USP4: variants seen among roughly 807,000 people sequenced by gnomAD.
USP4 encodes the protein ubiquitin carboxyl-terminal hydrolase 4.
A neutral mutation model predicts 118.2 loss-of-function variants in USP4; 72 were observed. The observed-to-expected ratio is 0.61, with a 90% CI of 0.50 to 0.74. The LOEUF is 0.74. Among genes scored for constraint, USP4 ranks in the 30% least tolerant of loss-of-function variants. The probability of loss-of-function intolerance (pLI) is 0.00; values close to 1 mark genes in which losing one functional copy is unlikely to be tolerated. For synonymous variants in USP4, 415 were observed against 440.4 expected, an observed-to-expected ratio of 0.94 and a Z score of 0.72; for missense variants, 1,037 against 1,185.7, an observed-to-expected ratio of 0.87 and a Z score of 1.84.
rs2047383875 is a variant in USP4, at chr3:49,311,641, G to A, written c.709C>T (p.Pro237Ser). 1 of 1,613,828 alleles carries A rather than the reference G, an allele frequency of 6.2e-7. No individual in the cohort carries two copies. Among genetic ancestry groups the A allele is most frequent in the Non-Finnish European group, 8.5e-7 (1 of 1,179,826 alleles). Residue 237 changes from proline (P) to serine (S), a missense_variant, in exon 7 of 22, where the codon CCT (proline) becomes TCT (serine). Around this residue, in one of 3 missense-constraint regions of USP4, gnomAD observed 487 missense variants for 534.1 expected, o/e 0.91. Coordinates refer to ENST00000265560, the MANE Select transcript of USP4 (RefSeq NM_003363.4). ...QTLQSKSSTA[P>S]SRNFTTSPKS... ...GGAGAGGTAGTAAAATTTCTGCTAG[G>A]CGCAGTGCTTGATCTGGGAGAGAGA...
intron 1 of USP4, among the ~76,000 whole-genome samples, chr3:49,336,193 G>A (rs1292819670): frequency 4.3e-5 from 4 of 93,878 alleles, no homozygotes; most frequent in Non-Finnish European, 5.9e-5. Context: ...TTTTTGAGAC[G>A]GAGTTTTCGC....
intron 9 of USP4, 37 bp from the exon 10 acceptor site, chr3:49,302,579 G>A (rs746658016): frequency 6.3e-6 from 10 of 1,591,548 alleles, no homozygotes; most frequent in East Asian, 2.2e-5. Context: ...GGCATAATAC[G>A]TAAAGAACTA....
chr3:49,286,808 T>C (rs1047529618), intron 15 of USP4, among the ~76,000 whole-genome samples: 1 of 134,870 alleles, frequency 7.4e-6, no homozygotes, highest in African/African-American at 2.8e-5. Flanking sequence ...ACAGTCTCAC[T>C]CTAGCCACTC....
At chr3:49,328,991 AGGGT>A (rs2047586145) in intron 2 of USP4, among the ~76,000 whole-genome samples, 1 of 152,088 alleles carries the variant, frequency 6.6e-6, no homozygotes, top group South Asian at 2.1e-4. Context: ...CAGCCTGGCC[AGGGT>A]AGTGAAACCC....
At chr3:49,318,990 A>C (rs548181851) in intron 6 of USP4, among the ~76,000 whole-genome samples, 222 of 151,400 alleles carry the variant, frequency 1.5e-3, no homozygotes, top group Non-Finnish European at 2.7e-3. Flanking sequence ...CTGCCAAGAA[A>C]TATATTAAAT....
chr3:49,304,381 C>A (rs1183778353), intron 9 of USP4, among the ~76,000 whole-genome samples: 1 of 152,018 alleles, frequency 6.6e-6, no homozygotes, highest in African/African-American at 2.4e-5. Flanking sequence ...GCAGTTGGGG[C>A]AATGGAAAGC....
At chr3:49,301,693 A>T (rs941919168) in intron 10 of USP4, among the ~76,000 whole-genome samples, 1 of 152,154 alleles carries the variant, frequency 6.6e-6, no homozygotes, top group Non-Finnish European at 1.5e-5. Flanking sequence ...ATCTCAAAAA[A>T]AATAAATAAA....
intron 8 of USP4, among the ~76,000 whole-genome samples, chr3:49,310,211 C>T (rs1300564831): frequency 6.6e-6 from 1 of 152,082 alleles, no homozygotes; most frequent in Non-Finnish European, 1.5e-5. Flanking sequence ...AGGCGTGAGC[C>T]ACTGCGCCCG....
chr3:49,324,852 T>TG, intron 5 of USP4, 42 bp downstream of exon 5: 1 of 1,614,008 alleles, frequency 6.2e-7, no homozygotes, highest in Non-Finnish European at 8.5e-7. Flanking sequence ...CCACACACCC[T>TG]GGGCAGAGCT....
intron 2 of USP4, among the ~76,000 whole-genome samples, chr3:49,329,023 C>G (rs780536258): frequency 1.3e-5 from 2 of 151,602 alleles, no homozygotes; most frequent in Non-Finnish European, 1.5e-5. Flanking sequence ...ACTACAAACA[C>G]AAAAATTAGC....
chr3:49,321,006 A>G (rs1268819134), intron 6 of USP4, among the ~76,000 whole-genome samples: 1 of 152,202 alleles, frequency 6.6e-6, no homozygotes, highest in African/African-American at 2.4e-5. Context: ...TGAGATACAA[A>G]GGAGGTTTGA....
intron 8 of USP4, among the ~76,000 whole-genome samples, chr3:49,309,702 C>T (rs937931228): frequency 1.4e-5 from 2 of 142,832 alleles, no homozygotes; most frequent in African/African-American, 5.1e-5. Flanking sequence ...TCTCGGCTCA[C>T]TGCAACCTCC....
At chr3:49,337,194 C>T (rs2047676899) in intron 1 of USP4, among the ~76,000 whole-genome samples, 1 of 152,042 alleles carries the variant, frequency 6.6e-6, no homozygotes, top group South Asian at 2.1e-4. Context: ...ACAAGAATCA[C>T]TTGCACCCGG....
chr3:49,285,051 A>G, intron 16 of USP4, 132 bp from the exon 17 acceptor site: 1 of 700,092 alleles, frequency 1.4e-6, no homozygotes, highest in Non-Finnish European at 2.5e-6. Context: ...AGCCAGTGTC[A>G]AGAGCAATGC....
At chr3:49,316,129 G>C (rs941121283) in intron 6 of USP4, among the ~76,000 whole-genome samples, 1 of 151,992 alleles carries the variant, frequency 6.6e-6, no homozygotes, top group Non-Finnish European at 1.5e-5. Context: ...TTGAACCCGG[G>C]AGGTGGAGGT....
Position 49,284,518 on chromosome 3 carries a change from C to T in USP4, c.2338G>A (p.Asp780Asn). The change falls in exon 18 of 22, where the codon GAC becomes AAC. Residue 780 changes from aspartate to asparagine, a missense_variant. By Grantham distance (23) the Asp-to-Asn change is conservative (BLOSUM62 1). Transcript: ENST00000265560. ...KKKKTTVALRDCIELFTTMET... is the reference protein window; with the variant it reads ...KKKKTTVALRNCIELFTTMET... Reference sequence around the variant, plus strand: ...ATGGTGGTGAAGAGCTCGATGCAGTCTCTCAGGGCCACTGTGGTCTTCTTC... The same window carrying T: ...ATGGTGGTGAAGAGCTCGATGCAGTTTCTCAGGGCCACTGTGGTCTTCTTC... The T allele has an allele frequency of 1.2e-6, 2 of 1,614,170 alleles. No homozygotes were observed. Among genetic ancestry groups the T allele is most frequent in the South Asian group, 2.2e-5 (2 of 91,082 alleles).
At chr3:49,300,402 C>A in intron 11 of USP4, 65 bp downstream of exon 11, 1 of 1,457,696 alleles carries the variant, frequency 6.9e-7, no homozygotes, top group Admixed American at 1.7e-5. Context: ...CAGATAGGAG[C>A]AGTCCCACTG....
intron 15 of USP4, 66 bp downstream of exon 15, chr3:49,292,444 T>G: frequency 8.9e-7 from 1 of 1,126,424 alleles, no homozygotes; most frequent in Non-Finnish European, 1.3e-6. Flanking sequence ...TGTAACACCT[T>G]TAGAAGAAGA....
rs1323869884 is a variant in USP4, at chr3:49,278,252, T to C, written c.*41A>G. The C allele has an allele frequency of 6.3e-7, 1 of 1,599,472 alleles. No homozygotes were observed. Among genetic ancestry groups the C allele is most frequent in the African/African-American group, 1.3e-5 (1 of 74,416 alleles). On this transcript the variant is annotated 3_prime_UTR_variant, in exon 22 of 22. Coordinates refer to ENST00000265560, the MANE Select transcript of USP4 (RefSeq NM_003363.4). The stretch of plus-strand genomic sequence containing the variant: ...GTGTCAAAGATGTTCTCCTGGGGGA[T>C]TACACTGGCGCTACAGGGTGGCAGG...
Sources: allele counts gnomAD v4.1 joint callset (sites outside exome capture counted in the v4.1 genomes callset), GRCh38; gene constraint gnomAD v4.1.1; regional missense constraint gnomAD v4.1.1; transcripts MANE v1.5; gene names NCBI Gene and HGNC (gene_info 2026-07-23, HGNC 2026-07-21).